Variants in SLC4A1AP observed in about 807,000 individuals in gnomAD.
The protein encoded by SLC4A1AP is solute carrier family 4 member 1 adaptor protein.
A neutral mutation model predicts 89.7 loss-of-function variants in SLC4A1AP; 64 were observed. The ratio of observed to expected loss-of-function variants is 0.71; its 90% CI spans 0.58 to 0.88. The LOEUF (loss-of-function observed/expected upper bound fraction) is 0.88, where lower values mean the gene tolerates loss of function less well. SLC4A1AP is among the 40% of genes least tolerant of loss of function. The pLI, the probability that SLC4A1AP is intolerant of heterozygous loss-of-function variation, is 0.00. For synonymous variants in SLC4A1AP, 366 were observed against 353.3 expected (o/e 1.04, Z -0.40); for missense variants, 931 against 965.0 (o/e 0.96, Z 0.47).
intron 7 of SLC4A1AP, 75 bp downstream of exon 7, chr2:27,677,439 A>G: frequency 2.1e-6 from 2 of 971,918 alleles, no homozygotes. Context: ...TACATTAGTT[A>G]ATAAGAAATA....
At chr2:27,676,839 A>G (rs1244747408) in intron 6 of SLC4A1AP, among the ~76,000 whole-genome samples, 4 of 151,620 alleles carry the variant, frequency 2.6e-5, no homozygotes, top group Non-Finnish European at 2.9e-5. Flanking sequence ...CAAAAAAAAA[A>G]AAAAAAAACT....
Position 27,666,817 on chromosome 2 carries a change from G to A in SLC4A1AP, c.1022-451G>A, listed in dbSNP as rs542527529. On this transcript the variant is annotated intron_variant, in intron 2 of 13. Coordinates refer to ENST00000613058, the Ensembl canonical transcript of SLC4A1AP. ...TTTTGTGGTGGTTGTTCCACCCCCT[G>A]TCCCTGCAAGTATTTATTATTTTTC... Among the ~76,000 whole-genome samples the A allele has an allele frequency of 7.9e-5, 12 of 151,514 alleles. No individual in the cohort carries two copies. In the South Asian group the frequency reaches 2.5e-3, roughly 32 times the overall value.
At position 27,669,231 on chromosome 2, in the gene SLC4A1AP, C is replaced by T. The variant is rs375887101; in HGVS notation, c.1206-17C>T. ...GGAGCTTAATGCTGTGCTATAATTC[C>T]CACCAAATCAATGAAGATTACCTGT... On this transcript the variant is annotated splice_polypyrimidine_tract_variant and intron_variant, in intron 4 of 13. Transcript: ENST00000613058. 6.3e-7 allele frequency: 1 copy of T among 1,594,388 alleles called. No homozygotes were observed. The highest frequency in any genetic ancestry group is 8.5e-7 in the Non-Finnish European group (1 of 1,174,156).
intron 6 of SLC4A1AP, among the ~76,000 whole-genome samples, chr2:27,676,239 T>C (rs1448716094): frequency 1.3e-5 from 2 of 152,178 alleles, no homozygotes; most frequent in African/African-American, 2.4e-5. Context: ...AGACTCTCAA[T>C]TGGTGGGAAT....
chr2:27,684,922 T>A, intron 9 of SLC4A1AP, 115 bp from the exon 10 acceptor site: 3 of 1,242,846 alleles, frequency 2.4e-6, no homozygotes, highest in Non-Finnish European at 3.3e-6. Context: ...TCTGTGGAGT[T>A]CATCAACCTA....
At chr2:27,677,341 A>G in exon 7 of SLC4A1AP, 2 of 1,613,344 alleles carry the variant, frequency 1.2e-6, no homozygotes, top group Non-Finnish European at 1.7e-6. Context: ...GAAATTTCTG[A>G]GAGATTGAAA....
intron 2 of SLC4A1AP, among the ~76,000 whole-genome samples, chr2:27,666,877 T>A (rs1322727943): frequency 7.9e-4 from 119 of 151,430 alleles, no homozygotes; most frequent in South Asian, 7.3e-3. Context: ...ATATATTTTT[T>A]TTTTTTTGGG....
chr2:27,664,203 G>C, exon 1 of SLC4A1AP: 1 of 1,614,102 alleles, frequency 6.2e-7, no homozygotes. Flanking sequence ...TCCAGCCCGG[G>C]CTCCCCCCTA....
intron 8 of SLC4A1AP, among the ~76,000 whole-genome samples, chr2:27,681,348 A>T (rs1333017275): frequency 6.6e-6 from 1 of 152,170 alleles, no homozygotes; most frequent in Non-Finnish European, 1.5e-5. Flanking sequence ...GATAAGACTT[A>T]GGTAAAAGAA....
In SLC4A1AP at chr2:27,673,329, TTTTC is replaced by T. The variant is rs1188830035; in HGVS notation, c.1346-2187_1346-2184del. On this transcript the variant is annotated intron_variant, in intron 5 of 13. Transcript: ENST00000613058. ...CTCTCTCTCTCTCTCTCTCTCTTTC[TTTTC>T]TTTCTTTCTTTCTTTTTCTTTTCCT... 8.4e-3 allele frequency among the ~76,000 whole-genome samples: 21 copies of T among 2,486 alleles called. No individual in the cohort carries two copies. The Non-Finnish European group carries it at 0.19, about 23-fold the overall frequency. 1.6% of individuals were successfully genotyped at this position (2,486 alleles called of 152,430 possible). A position where few individuals can be genotyped will look rare whatever the true frequency, so the allele number is the denominator to read the frequency against.
intron 12 of SLC4A1AP, chr2:27,693,459 T>G: frequency 2.1e-6 from 1 of 471,274 alleles, no homozygotes; most frequent in Non-Finnish European, 3.8e-6. Flanking sequence ...TTTTTGCATT[T>G]CTTGTAGGTC....
chr2:27,682,467 A>AGAAAG (rs1221702286), intron 9 of SLC4A1AP, 108 bp downstream of exon 9: 1 of 631,752 alleles, frequency 1.6e-6, no homozygotes, highest in Non-Finnish European at 2.8e-6. Context: ...TAGTAATGTG[A>AGAAAG]GAAAGGGCTG....
At chr2:27,666,352 A>ACCACCCACCACCCCC (rs1558504861) in intron 2 of SLC4A1AP, among the ~76,000 whole-genome samples, 1 of 3,424 alleles carries the variant, frequency 2.9e-4, no homozygotes, top group Non-Finnish European at 8.8e-4. Context: ...CTTGTGATCC[A>ACCACCCACCACCCCC]CCCCCCACCC....
At chr2:27,694,814 G>A in exon 14 of SLC4A1AP, 1 of 636,878 alleles carries the variant, frequency 1.6e-6, no homozygotes, top group Admixed American at 2.8e-5. Context: ...TTTTCGTTCT[G>A]TGTTCTTGGC....
At chr2:27,690,861 C>T (rs1675777357) in intron 12 of SLC4A1AP, among the ~76,000 whole-genome samples, 1 of 152,042 alleles carries the variant, frequency 6.6e-6, no homozygotes, top group Non-Finnish European at 1.5e-5. Context: ...CCCAGCATCC[C>T]TGGGATGAAA....
At chr2:27,664,388 G>C in exon 1 of SLC4A1AP, 1 of 1,614,242 alleles carries the variant, frequency 6.2e-7, no homozygotes. Context: ...ACCACGCAGT[G>C]CTGCAGCACA....
chr2:27,694,776 T>C, exon 14 of SLC4A1AP: 1 of 1,007,436 alleles, frequency 9.9e-7, no homozygotes, highest in Non-Finnish European at 1.5e-6. Flanking sequence ...GAAGTTTAGA[T>C]GATTATTTGT....
intron 9 of SLC4A1AP, among the ~76,000 whole-genome samples, chr2:27,682,969 A>G (rs1675645192): frequency 6.6e-6 from 1 of 152,256 alleles, no homozygotes; most frequent in African/African-American, 2.4e-5. Flanking sequence ...GGTCTCCTGC[A>G]TTAAATGCTT....
chr2:27,688,101 C>A lies in SLC4A1AP; in HGVS notation c.2203+81C>A, dbSNP rs552854720. The A allele has an allele frequency of 1.2e-5, 13 of 1,104,216 alleles. No homozygotes were observed. In the East Asian group the frequency reaches 2.7e-4, roughly 23 times the overall value. 68.4% of individuals were successfully genotyped at this position (1,104,216 alleles called of 1,614,324 possible). On this transcript the variant is annotated intron_variant, in intron 11 of 13. Transcript: ENST00000613058. ...CATAAGGGAGGGGCTGGCAGCTGAC[C>A]TGAAGGCAGCACAGAGAATGGTCCT...
Sources: gnomAD v4.1 joint callset for allele counts (sites outside exome capture counted in the v4.1 genomes callset) on GRCh38, gnomAD v4.1.1 for gene constraint, MANE v1.5 for transcripts, NCBI Gene and HGNC (gene_info 2026-07-23, HGNC 2026-07-21) for gene names.